Variants in CORIN observed in about 807,000 individuals in gnomAD.
The protein encoded by CORIN is corin, serine peptidase.
A neutral mutation model predicts 125.3 loss-of-function variants in CORIN; 117 were observed. The ratio of observed to expected loss-of-function variants is 0.93; its 90% CI spans 0.80 to 1.09. CORIN has a LOEUF of 1.09. Ranked by LOEUF, CORIN falls within the 50% of genes least tolerant of loss-of-function variation. The pLI is 0.00. For missense variants in CORIN, 1,253 were observed against 1,306.7 expected (o/e 0.96, Z 0.63); for synonymous variants, 450 against 466.4 (o/e 0.96, Z 0.45).
chr4:47,730,257 G>A (rs1019529239), intron 5 of CORIN, among the ~76,000 whole-genome samples: 2 of 152,034 alleles, frequency 1.3e-5, no homozygotes, highest in African/African-American at 2.4e-5. Flanking sequence ...GGCGGATCAC[G>A]AGGTCAGGAG....
At chr4:47,795,106 G>A (rs992737730) in intron 2 of CORIN, among the ~76,000 whole-genome samples, 3 of 152,090 alleles carry the variant, frequency 2.0e-5, no homozygotes, top group African/African-American at 7.2e-5. Flanking sequence ...CCATATACAT[G>A]TGGATTTATT....
intron 1 of CORIN, among the ~76,000 whole-genome samples, chr4:47,819,269 T>C (rs1385760112): frequency 6.6e-6 from 1 of 152,088 alleles, no homozygotes; most frequent in African/African-American, 2.4e-5. Context: ...AGACCCAAAA[T>C]CTACTCATAT....
intron 19 of CORIN, 78 bp from the exon 20 acceptor site, chr4:47,603,746 T>C (rs144619717): frequency 9.4e-6 from 14 of 1,488,146 alleles, no homozygotes; most frequent in Middle Eastern, 1.8e-4. Flanking sequence ...TTTTAAAACA[T>C]TTTATTTATG....
At chr4:47,757,893 T>TATAC (rs1553916088) in intron 4 of CORIN, among the ~76,000 whole-genome samples, 4 of 144,792 alleles carry the variant, frequency 2.8e-5, no homozygotes, top group Non-Finnish European at 6.0e-5. Context: ...TATATATATA[T>TATAC]ATATATATAT....
intron 5 of CORIN, among the ~76,000 whole-genome samples, chr4:47,718,119 C>A (rs920092417): frequency 6.6e-6 from 1 of 152,192 alleles, no homozygotes; most frequent in Non-Finnish European, 1.5e-5. Context: ...AATGGACACA[C>A]AACATTAGCA....
At chr4:47,736,214 A>C (rs1441473398) in intron 5 of CORIN, among the ~76,000 whole-genome samples, 1 of 152,196 alleles carries the variant, frequency 6.6e-6, no homozygotes, top group East Asian at 1.9e-4. Context: ...TCAGCCTTCT[A>C]GTGGCTTTTA....
intron 14 of CORIN, among the ~76,000 whole-genome samples, chr4:47,644,874 G>A (rs1023194510): frequency 6.6e-6 from 1 of 152,048 alleles, no homozygotes; most frequent in African/African-American, 2.4e-5. Context: ...TATAAATAAT[G>A]CCAGAAGAAT....
At chr4:47,644,172 G>A (rs1036970284) in intron 14 of CORIN, among the ~76,000 whole-genome samples, 7 of 152,128 alleles carry the variant, frequency 4.6e-5, no homozygotes, top group African/African-American at 1.4e-4. Context: ...CTGTGACTCC[G>A]CCCAAAGTTG....
At position 47,677,987 on chromosome 4, in the gene CORIN, A is replaced by T. The variant is rs141878967; in HGVS notation, c.1200T>A (p.Asp400Glu). The change falls in exon 9 of 22, where the codon GAT becomes GAA. Residue 400 changes from aspartate to glutamate, a missense_variant. Physicochemically the swap from Asp to Glu is conservative, Grantham distance 45. Transcript: ENST00000273857. ...GQCIPSTFQCDGDEDCKDGSD... is the reference protein window; with the variant it reads ...GQCIPSTFQCEGDEDCKDGSD... ...TCCCATCCTTGCAGTCCTCGTCACCATCACATTGAAACGTGCTGGGGATAC... is the reference window on the plus strand; with the variant it reads ...TCCCATCCTTGCAGTCCTCGTCACCTTCACATTGAAACGTGCTGGGGATAC... 79 of 1,613,994 alleles carry T rather than the reference A, an allele frequency of 4.9e-5. No homozygotes were observed. Among genetic ancestry groups the T allele is most frequent in the Non-Finnish European group, 6.7e-5 (79 of 1,179,978 alleles).
intron 5 of CORIN, among the ~76,000 whole-genome samples, chr4:47,704,774 T>A (rs1577845479): frequency 6.6e-6 from 1 of 152,104 alleles, no homozygotes; most frequent in Non-Finnish European, 1.5e-5. Flanking sequence ...TGAAGATATG[T>A]CAGTGGTGGA....
intron 5 of CORIN, among the ~76,000 whole-genome samples, chr4:47,719,430 A>G (rs1168293170): frequency 2.0e-5 from 3 of 152,240 alleles, no homozygotes; most frequent in Admixed American, 6.5e-5. Context: ...CATCTGCTAT[A>G]TGAAGGACTG....
rs898871927 is a variant in CORIN at position 47,683,899 on chromosome 4, G to T, written c.914-61C>A. On this transcript the variant is annotated intron_variant, in intron 6 of 21. Transcript: ENST00000273857. ...GCCATACAGAATGCTATTGTAGTAC[G>T]ATATTTAACAAAAGCCAATCATGGA... 59 of 1,253,856 alleles carry T rather than the reference G, an allele frequency of 4.7e-5. 1 individual carries two copies. The Middle Eastern group carries it at 1.1e-3, about 24-fold the overall frequency. The allele number at this position is 1,253,856 out of a possible 1,614,324, so 77.7% of individuals were successfully genotyped here. A position where few individuals can be genotyped will look rare whatever the true frequency, so the allele number is the denominator to read the frequency against.
intron 21 of CORIN, among the ~76,000 whole-genome samples, chr4:47,597,351 CAA>C (rs11420411): frequency 8.5e-5 from 10 of 117,870 alleles, no homozygotes; most frequent in African/African-American, 9.2e-5. Context: ...AACTCCATCT[CAA>C]AAAAAAAAAA....
At chr4:47,776,190 T>C (rs1264445598) in intron 3 of CORIN, among the ~76,000 whole-genome samples, 3 of 151,722 alleles carry the variant, frequency 2.0e-5, no homozygotes, top group Non-Finnish European at 4.4e-5. Context: ...CAGCTATTTG[T>C]ATTTTTTGTA....
At chr4:47,787,010 T>C in intron 2 of CORIN, 85 bp from the exon 3 acceptor site, 1 of 933,906 alleles carries the variant, frequency 1.1e-6, no homozygotes, top group East Asian at 2.6e-5. Flanking sequence ...AAGAAAACTC[T>C]AGAGCTACTT....
chr4:47,735,942 T>TA (rs749270493), intron 5 of CORIN, among the ~76,000 whole-genome samples: 1,269 of 96,346 alleles, frequency 0.013, 39 homozygotes, highest in African/African-American at 0.028. Context: ...GACTCCATCT[T>TA]AAAAAAAAAA....
At chr4:47,637,744 G>T (rs574152790) in intron 16 of CORIN, among the ~76,000 whole-genome samples, 4 of 152,216 alleles carry the variant, frequency 2.6e-5, no homozygotes, top group African/African-American at 9.6e-5. Context: ...TTTGCTGCAG[G>T]GGTGGGGCCC....
intron 12 of CORIN, among the ~76,000 whole-genome samples, chr4:47,657,545 A>G (rs1352708023): frequency 6.6e-6 from 1 of 151,710 alleles, no homozygotes; most frequent in Non-Finnish European, 1.5e-5. Context: ...CAAAAAAAAA[A>G]AAAAAAAAGA....
chr4:47,748,869 A>G (rs1183223490), intron 4 of CORIN, among the ~76,000 whole-genome samples: 1 of 152,178 alleles, frequency 6.6e-6, no homozygotes, highest in Non-Finnish European at 1.5e-5. Context: ...ATAGTACAGA[A>G]AATTTCCATA....
Sources: allele counts gnomAD v4.1 joint callset (sites outside exome capture counted in the v4.1 genomes callset), GRCh38; gene constraint gnomAD v4.1.1; transcripts MANE v1.5; gene names NCBI Gene and HGNC (gene_info 2026-07-23, HGNC 2026-07-21).